The following NAV3 variants were observed in gnomAD, a reference collection of about 807,000 sequenced individuals.
NAV3 encodes the protein pore membrane and/or filament interacting like protein 1.
In NAV3, 87 loss-of-function variants were observed where a neutral mutation model predicts 244.7. The ratio of observed to expected loss-of-function variants is 0.36; its 90% CI spans 0.30 to 0.42. The LOEUF is 0.42. NAV3 is among the 20% of genes least tolerant of loss of function. The pLI is 1.00. For missense variants in NAV3, 2,663 were observed against 2,893.3 expected (o/e 0.92, Z 1.83); for synonymous variants, 1,126 against 1,042.2 (o/e 1.08, Z -1.55).
intron 9 of NAV3, among the ~76,000 whole-genome samples, chr12:78,024,845 G>C (rs954328999): frequency 5.3e-5 from 8 of 151,328 alleles, no homozygotes; most frequent in African/African-American, 7.3e-5. Context: ...CATGGTGGCG[G>C]GCGCCTGTAG....
At chr12:77,858,478 C>A (rs920314375) in intron 1 of NAV3, among the ~76,000 whole-genome samples, 25 of 152,016 alleles carry the variant, frequency 1.6e-4, no homozygotes, top group South Asian at 8.3e-4. Context: ...ATATCTAAGA[C>A]CAGCTATTTA....
chr12:77,878,481 G>A (rs1032253678), intron 1 of NAV3, among the ~76,000 whole-genome samples: 20 of 151,810 alleles, frequency 1.3e-4, no homozygotes, highest in Admixed American at 1.3e-4. Flanking sequence ...TGCCCATCTC[G>A]GCCTCCCAAA....
chr12:77,583,834 C>A (rs578045005), intron 2 of NAV3, among the ~76,000 whole-genome samples: 1 of 152,298 alleles, frequency 6.6e-6, no homozygotes, highest in East Asian at 1.9e-4. Context: ...CCCATTCCCC[C>A]TCCAACCTGT....
chr12:78,043,546 C>T (rs188419917), intron 9 of NAV3, among the ~76,000 whole-genome samples: 2 of 152,122 alleles, frequency 1.3e-5, no homozygotes, highest in Admixed American at 6.5e-5. Context: ...ATACTCCCAC[C>T]GACAGTGTAA....
At chr12:77,814,674 C>T (rs1192717536) in intron 2 of NAV3, among the ~76,000 whole-genome samples, 1 of 152,096 alleles carries the variant, frequency 6.6e-6, no homozygotes, top group East Asian at 1.9e-4. Flanking sequence ...CTTAATTAGA[C>T]TGAAATTGCC....
At chr12:77,691,355 A>ATATATATATATATAT (rs1491582943) in intron 2 of NAV3, among the ~76,000 whole-genome samples, 2 of 137,410 alleles carry the variant, frequency 1.5e-5, no homozygotes, top group African/African-American at 5.3e-5. Context: ...ATATATATAT[A>ATATATATATATATAT]CATATCCATT....
chr12:77,771,730 A>T (rs1465069851), intron 2 of NAV3, among the ~76,000 whole-genome samples: 1 of 151,648 alleles, frequency 6.6e-6, no homozygotes. Flanking sequence ...ACATGGACAC[A>T]GGAAGGGGAA....
chr12:78,118,484 G>A (rs953400680), intron 14 of NAV3, among the ~76,000 whole-genome samples, 187 bp downstream of exon 14: 2 of 152,322 alleles, frequency 1.3e-5, no homozygotes, highest in Non-Finnish European at 2.9e-5. Context: ...CCCAAGTAGG[G>A]CCTATATCTA....
intron 2 of NAV3, among the ~76,000 whole-genome samples, chr12:77,699,790 T>TG (rs1451590996): frequency 1.1e-4 from 1 of 9,214 alleles, no homozygotes; most frequent in African/African-American, 1.2e-4. Context: ...CTGCATGACC[T>TG]TTTTTTTTTT....
At chr12:78,090,877 C>T (rs963181253) in intron 12 of NAV3, among the ~76,000 whole-genome samples, 2 of 151,638 alleles carry the variant, frequency 1.3e-5, no homozygotes, top group Admixed American at 1.3e-4. Flanking sequence ...TTTTCACTTT[C>T]AAACTCTTAA....
At chr12:78,036,909 A>G (rs1399585842) in intron 9 of NAV3, 2 of 702,784 alleles carry the variant, frequency 2.8e-6, no homozygotes, top group East Asian at 2.7e-5. Flanking sequence ...CAAAGAAGTA[A>G]GGAGAAAGGG....
chr12:77,589,638 T>C (rs1426658410), intron 2 of NAV3, among the ~76,000 whole-genome samples: 1 of 152,196 alleles, frequency 6.6e-6, no homozygotes, highest in African/African-American at 2.4e-5. Flanking sequence ...TTACTCACTA[T>C]TGTCAGAATA....
rs1165525854 is a variant in NAV3, at chr12:77,605,610, A to G, written c.72+33344A>G. Among the ~76,000 whole-genome samples the G allele has an allele frequency of 2.6e-5, 4 of 152,294 alleles. 1 individual carries two copies. The South Asian group carries it at 8.3e-4, about 32-fold the overall frequency. ...CTTTAATGTGTTCATTTTGTCCTGT[A>G]AGATTAAAGATATAATCTTTTCTTA... On this transcript the variant is annotated intron_variant, in intron 2 of 8. Transcript: ENST00000550042.
chr12:77,755,284 A>G (rs992327871), intron 2 of NAV3, among the ~76,000 whole-genome samples: 6 of 152,094 alleles, frequency 3.9e-5, no homozygotes, highest in Admixed American at 3.3e-4. Context: ...GCTTTCTAAT[A>G]TGGCTCTTGT....
At chr12:77,586,102 C>T (rs1397169133) in intron 2 of NAV3, among the ~76,000 whole-genome samples, 1 of 151,998 alleles carries the variant, frequency 6.6e-6, no homozygotes, top group Non-Finnish European at 1.5e-5. Context: ...GCGGAGCTTG[C>T]AGTGAGCCGA....
intron 12 of NAV3, among the ~76,000 whole-genome samples, chr12:78,089,060 G>C (rs1343623984): frequency 6.6e-6 from 1 of 152,104 alleles, no homozygotes; most frequent in Non-Finnish European, 1.5e-5. Flanking sequence ...AACATAATAG[G>C]AATGTTTGTG....
chr12:77,611,976 A>C (rs1870935181), intron 2 of NAV3, among the ~76,000 whole-genome samples: 1 of 152,020 alleles, frequency 6.6e-6, no homozygotes, highest in Non-Finnish European at 1.5e-5. Flanking sequence ...ATGATCCTGC[A>C]AATATTGTGC....
rs572827148 is a variant in NAV3 at position 77,918,442 on chromosome 12, C to A, written c.244-21877C>A. On this transcript the variant is annotated intron_variant, in intron 1 of 39. Coordinates refer to ENST00000397909, the MANE Select transcript of NAV3 (RefSeq NM_001024383.2). ...TACTGATTTTCTTAGCACACCCACACCTAGCATAGTTATTGGAAAATGTAT... is the reference window on the plus strand; with the variant it reads ...TACTGATTTTCTTAGCACACCCACAACTAGCATAGTTATTGGAAAATGTAT... Among the ~76,000 whole-genome samples the A allele has an allele frequency of 6.5e-4, 99 of 152,206 alleles. 3 individuals carry two copies. In the South Asian group the frequency reaches 0.02, roughly 30 times the overall value.
chr12:77,768,684 G>T (rs1364953813), intron 2 of NAV3, among the ~76,000 whole-genome samples: 1 of 152,246 alleles, frequency 6.6e-6, no homozygotes. Context: ...TCTGGGCCAG[G>T]AGTACAGTTG....
Sources: allele counts gnomAD v4.1 joint callset (sites outside exome capture counted in the v4.1 genomes callset), GRCh38; gene constraint gnomAD v4.1.1; transcripts MANE v1.5; gene names NCBI Gene and HGNC (gene_info 2026-07-23, HGNC 2026-07-21).